COMMD10: variants seen among roughly 807,000 people sequenced by gnomAD.
COMMD10 encodes COMM domain-containing protein 10.
A neutral mutation model predicts 28.9 loss-of-function variants in COMMD10; 33 were observed. That is an observed-to-expected ratio of 1.14 (90% CI 0.87 to 1.53). The LOEUF is 1.53. Ranked by LOEUF, COMMD10 falls within the 40% of genes most tolerant of loss-of-function variation. The probability of loss-of-function intolerance (pLI) is 0.00; values close to 1 mark genes in which losing one functional copy is unlikely to be tolerated. For missense variants in COMMD10, 310 were observed against 233.4 expected (o/e 1.33, Z -2.14); for synonymous variants, 110 against 81.7 (o/e 1.35, Z -1.87).
At chr5:116,207,146 A>G (rs565851845) in intron 5 of COMMD10, among the ~76,000 whole-genome samples, 3 of 152,226 alleles carry the variant, frequency 2.0e-5, no homozygotes, top group South Asian at 2.1e-4. Context: ...TTATATCACT[A>G]TGTCAGTATG....
chr5:116,113,528 GA>G (rs1751130256), intron 4 of COMMD10, among the ~76,000 whole-genome samples: 1 of 151,744 alleles, frequency 6.6e-6, no homozygotes. Context: ...TGCACTGTTT[GA>G]AAAGACCTGT....
At chr5:116,164,651 T>G (rs934181904) in intron 5 of COMMD10, among the ~76,000 whole-genome samples, 2 of 152,240 alleles carry the variant, frequency 1.3e-5, no homozygotes, top group Non-Finnish European at 2.9e-5. Context: ...ACCACATGTA[T>G]CTTTATTTCA....
chr5:116,183,491 C>T (rs1420616021), intron 5 of COMMD10, among the ~76,000 whole-genome samples: 1 of 152,036 alleles, frequency 6.6e-6, no homozygotes, highest in Non-Finnish European at 1.5e-5. Flanking sequence ...GTTAGGAGGA[C>T]TTAAATAACC....
At chr5:116,085,897 A>T (rs776343650) in intron 1 of COMMD10, among the ~76,000 whole-genome samples, 4 of 152,174 alleles carry the variant, frequency 2.6e-5, no homozygotes, top group Admixed American at 6.5e-5. Flanking sequence ...TTCTTTCTGG[A>T]TTCCTTTTGT....
At chr5:116,208,806 A>G (rs1165252238) in intron 5 of COMMD10, among the ~76,000 whole-genome samples, 3 of 152,206 alleles carry the variant, frequency 2.0e-5, no homozygotes, top group Admixed American at 6.5e-5. Context: ...AGAGGCATAC[A>G]TACAAATTTC....
At chr5:116,154,008 C>T (rs1752622679) in intron 5 of COMMD10, among the ~76,000 whole-genome samples, 1 of 152,010 alleles carries the variant, frequency 6.6e-6, no homozygotes, top group African/African-American at 2.4e-5. Context: ...AGCTTAGCCA[C>T]TCAACCACAA....
At chr5:116,228,258 A>G (rs1749444991) in intron 5 of COMMD10, among the ~76,000 whole-genome samples, 1 of 152,006 alleles carries the variant, frequency 6.6e-6, no homozygotes. Context: ...AAAAACTGAG[A>G]AGAAATGAAA....
chr5:116,184,097 T>C (rs1337220825), intron 5 of COMMD10, among the ~76,000 whole-genome samples: 1 of 152,078 alleles, frequency 6.6e-6, no homozygotes, highest in African/African-American at 2.4e-5. Context: ...ATACTATTAA[T>C]GACTAGTGAA....
At chr5:116,165,789 G>A (rs562767258) in intron 5 of COMMD10, among the ~76,000 whole-genome samples, 9 of 152,172 alleles carry the variant, frequency 5.9e-5, no homozygotes, top group East Asian at 3.9e-4. Context: ...GATCAGTGCT[G>A]TACCCTTGTG....
intron 5 of COMMD10, among the ~76,000 whole-genome samples, chr5:116,142,460 A>G (rs1752224215): frequency 6.6e-6 from 1 of 151,814 alleles, no homozygotes; most frequent in African/African-American, 2.4e-5. Context: ...CAAGAGGATG[A>G]TTACTAGGTG....
intron 5 of COMMD10, among the ~76,000 whole-genome samples, chr5:116,157,929 C>G (rs2112562322): frequency 7.6e-6 from 1 of 131,774 alleles, no homozygotes; most frequent in East Asian, 2.2e-4. Context: ...GCTAAGATGG[C>G]TTTCCTTTAC....
At chr5:116,278,652 T>A (rs895501511) in intron 5 of COMMD10, among the ~76,000 whole-genome samples, 4 of 151,844 alleles carry the variant, frequency 2.6e-5, no homozygotes, top group African/African-American at 9.7e-5. Flanking sequence ...ACGATTTTTA[T>A]ACTGAATAAA....
At chr5:116,267,369 T>A (rs1750615704) in intron 5 of COMMD10, among the ~76,000 whole-genome samples, 2 of 151,642 alleles carry the variant, frequency 1.3e-5, no homozygotes, top group South Asian at 4.1e-4. Flanking sequence ...GAGAATAAAA[T>A]ACCTAGGAAT....
intron 5 of COMMD10, among the ~76,000 whole-genome samples, chr5:116,143,469 T>C (rs1752254433): frequency 6.6e-6 from 1 of 151,842 alleles, no homozygotes; most frequent in Admixed American, 6.6e-5. Context: ...ACTAAAATTC[T>C]TTTAAAAATT....
chr5:116,115,852 C>T (rs755753523), intron 4 of COMMD10, among the ~76,000 whole-genome samples: 3 of 152,030 alleles, frequency 2.0e-5, no homozygotes, highest in Non-Finnish European at 4.4e-5. Context: ...GATTATGAGA[C>T]TTGTAAATAA....
chr5:116,272,959 C>A, intron 5 of COMMD10, among the ~76,000 whole-genome samples: 1 of 151,672 alleles, frequency 6.6e-6, no homozygotes. Flanking sequence ...TTGTCTCGTC[C>A]CTTCTTAAAA....
intron 1 of COMMD10, among the ~76,000 whole-genome samples, chr5:116,086,639 T>C (rs1750108169): frequency 6.6e-6 from 1 of 152,178 alleles, no homozygotes; most frequent in Admixed American, 6.5e-5. Flanking sequence ...TTTGTATTTT[T>C]AGTAAAGATG....
chr5:116,258,229 C>A (rs1441282159), intron 5 of COMMD10, among the ~76,000 whole-genome samples: 1 of 151,710 alleles, frequency 6.6e-6, no homozygotes, highest in Non-Finnish European at 1.5e-5. Context: ...ATACTCTTTT[C>A]TAACAATGTC....
intron 5 of COMMD10, among the ~76,000 whole-genome samples, chr5:116,151,035 C>G (rs924737757): frequency 6.7e-6 from 1 of 150,254 alleles, no homozygotes; most frequent in African/African-American, 2.5e-5. Flanking sequence ...TACGTCCCAT[C>G]AATACCTAAT....
Sources: gnomAD v4.1 joint callset for allele counts (sites outside exome capture counted in the v4.1 genomes callset) on GRCh38, gnomAD v4.1.1 for gene constraint, MANE v1.5 for transcripts, NCBI Gene and HGNC (gene_info 2026-07-23, HGNC 2026-07-21) for gene names.